The following RNF180 variants were observed in gnomAD, a reference collection of about 807,000 sequenced individuals.
The protein encoded by RNF180 is ring finger protein 180, also known as E3 ubiquitin-protein ligase RNF180.
Under a neutral mutation model 59.2 loss-of-function variants are expected in RNF180, and 38 were observed. The observed-to-expected ratio is 0.64, with a 90% CI of 0.50 to 0.84. The LOEUF is 0.84. Ranked by LOEUF, RNF180 falls within the 40% of genes least tolerant of loss-of-function variation. The pLI, the probability that RNF180 is intolerant of heterozygous loss-of-function variation, is 0.00. For synonymous variants in RNF180, 262 were observed against 240.3 expected, an observed-to-expected ratio of 1.09 and a Z score of -0.84; for missense variants, 705 against 700.9, an observed-to-expected ratio of 1.01 and a Z score of -0.07.
At chr5:64,326,580 A>C (rs987135445) in intron 6 of RNF180, among the ~76,000 whole-genome samples, 3 of 152,166 alleles carry the variant, frequency 2.0e-5, no homozygotes, top group African/African-American at 7.2e-5. Context: ...GTTCACTAGG[A>C]AAAGATGAAA....
intron 2 of RNF180, among the ~76,000 whole-genome samples, chr5:64,204,952 T>TAG (rs1227658049): frequency 6.6e-6 from 1 of 152,014 alleles, no homozygotes; most frequent in East Asian, 1.9e-4. Flanking sequence ...CAGAACAACA[T>TAG]AGAGAATAAG....
intron 6 of RNF180, among the ~76,000 whole-genome samples, chr5:64,328,999 G>A (rs1047297771): frequency 3.3e-5 from 5 of 151,732 alleles, no homozygotes; most frequent in African/African-American, 7.3e-5. Flanking sequence ...AGTTTCTACC[G>A]TTTAAAATGA....
At chr5:64,197,038 A>AG (rs1751488096) in intron 1 of RNF180, among the ~76,000 whole-genome samples, 1 of 152,232 alleles carries the variant, frequency 6.6e-6, no homozygotes, top group Non-Finnish European at 1.5e-5. Flanking sequence ...ACAAATAAAA[A>AG]GGTCAGCAAA....
At chr5:64,237,823 G>GTC (rs1017636314) in intron 5 of RNF180, among the ~76,000 whole-genome samples, 16 of 151,032 alleles carry the variant, frequency 1.1e-4, no homozygotes, top group Admixed American at 2.0e-4. Context: ...CTCTCTCTCT[G>GTC]TCTCTCTCTC....
intron 1 of RNF180, among the ~76,000 whole-genome samples, chr5:64,198,381 A>G (rs934871332): frequency 2.6e-5 from 4 of 152,232 alleles, no homozygotes; most frequent in African/African-American, 9.6e-5. Context: ...GCATTTGGAA[A>G]TTGAAAATAC....
At chr5:64,239,379 T>C (rs1016210962) in intron 5 of RNF180, among the ~76,000 whole-genome samples, 3 of 152,196 alleles carry the variant, frequency 2.0e-5, no homozygotes, top group African/African-American at 7.2e-5. Flanking sequence ...ATTTCAGCTT[T>C]ATAGACAGCT....
intron 7 of RNF180, among the ~76,000 whole-genome samples, chr5:64,349,171 C>G (rs1745677993): frequency 6.6e-6 from 1 of 152,070 alleles, no homozygotes; most frequent in Non-Finnish European, 1.5e-5. Flanking sequence ...CCATTTCTTA[C>G]ATCAAAAAAG....
rs1205103323 is a variant in RNF180 at position 64,325,213 on chromosome 5, G to A, written c.1255G>A (p.Glu419Lys). 4 of 1,550,932 alleles carry A rather than the reference G, an allele frequency of 2.6e-6. No individual in the cohort carries two copies. The highest frequency in any genetic ancestry group is 2.7e-5 in the African/African-American group (2 of 72,992). The change falls in exon 6 of 8, where the codon GAA becomes AAA. Residue 419 changes from glutamate to lysine, a missense_variant. Coordinates refer to ENST00000389100, the MANE Select transcript of RNF180 (RefSeq NM_001113561.2). ...MTLNNEMSTDEDNEYAEEKDS... is the reference protein window; with the variant it reads ...MTLNNEMSTDKDNEYAEEKDS... ...TTTGAATAATGAGATGAGTACAGATGAAGACAATGAATATGCAGAAGAAAA... is the reference window on the plus strand; with the variant it reads ...TTTGAATAATGAGATGAGTACAGATAAAGACAATGAATATGCAGAAGAAAA...
At chr5:64,337,009 T>TG (rs200109942) in intron 7 of RNF180, among the ~76,000 whole-genome samples, 5,039 of 151,622 alleles carry the variant, frequency 0.033, 116 homozygotes, top group Non-Finnish European at 0.055. Context: ...TTGTTGTTTT[T>TG]TTTTTGTTTT....
chr5:64,322,959 G>A (rs1744448800), intron 5 of RNF180, among the ~76,000 whole-genome samples: 1 of 151,888 alleles, frequency 6.6e-6, no homozygotes, highest in Admixed American at 6.6e-5. Context: ...AAAACCACCT[G>A]TTCCCCCAAA....
At chr5:64,287,245 G>T (rs1742336503) in intron 5 of RNF180, among the ~76,000 whole-genome samples, 2 of 152,104 alleles carry the variant, frequency 1.3e-5, no homozygotes, top group Admixed American at 1.3e-4. Flanking sequence ...GATTACAGAC[G>T]TGAGCCACCG....
chr5:64,315,803 C>T (rs1272880280), intron 5 of RNF180, among the ~76,000 whole-genome samples: 5 of 150,876 alleles, frequency 3.3e-5, no homozygotes, highest in Non-Finnish European at 7.4e-5. Flanking sequence ...AGCTGAAATG[C>T]TTTATGGGTA....
At chr5:64,241,641 T>C (rs1473764579) in intron 5 of RNF180, among the ~76,000 whole-genome samples, 2 of 152,194 alleles carry the variant, frequency 1.3e-5, no homozygotes, top group Non-Finnish European at 2.9e-5. Flanking sequence ...TACATCAATT[T>C]GAACAACTAT....
chr5:64,301,393 T>G (rs1743153509), intron 5 of RNF180, among the ~76,000 whole-genome samples: 1 of 151,768 alleles, frequency 6.6e-6, no homozygotes, highest in Non-Finnish European at 1.5e-5. Context: ...TGATCTTACT[T>G]TCAATGTTTT....
At chr5:64,193,113 T>A (rs529937658) in intron 1 of RNF180, among the ~76,000 whole-genome samples, 26 of 151,702 alleles carry the variant, frequency 1.7e-4, no homozygotes, top group Non-Finnish European at 2.5e-4. Context: ...AATAGAATTG[T>A]GACTGTCGGG....
intron 4 of RNF180, among the ~76,000 whole-genome samples, 188 bp downstream of exon 4, chr5:64,214,705 A>T (rs1001942915): frequency 6.6e-6 from 1 of 152,130 alleles, no homozygotes; most frequent in African/African-American, 2.4e-5. Flanking sequence ...CCCAGTCTCT[A>T]TGCTTCATGC....
intron 1 of RNF180, among the ~76,000 whole-genome samples, chr5:64,175,768 C>T (rs993563126): frequency 3.3e-5 from 5 of 151,988 alleles, no homozygotes; most frequent in Admixed American, 1.3e-4. Context: ...TTTGCATCCT[C>T]TTCAATTTCT....
chr5:64,298,621 T>C (rs1037565489), intron 5 of RNF180, among the ~76,000 whole-genome samples: 2 of 152,072 alleles, frequency 1.3e-5, no homozygotes, highest in Admixed American at 1.3e-4. Context: ...ACTTCATGTG[T>C]TGAAATTGTT....
chr5:64,212,360 GCA>G (rs766086691), intron 3 of RNF180, among the ~76,000 whole-genome samples, 200 bp downstream of exon 3: 6 of 150,404 alleles, frequency 4.0e-5, no homozygotes, highest in East Asian at 1.9e-4. Context: ...ACACACACAT[GCA>G]CACACACACA....
Sources: gnomAD v4.1 joint callset for allele counts (sites outside exome capture counted in the v4.1 genomes callset) on GRCh38, gnomAD v4.1.1 for gene constraint, MANE v1.5 for transcripts, NCBI Gene and HGNC (gene_info 2026-07-23, HGNC 2026-07-21) for gene names.